INSC: variants seen among roughly 807,000 people sequenced by gnomAD.
INSC encodes INSC spindle orientation adaptor protein.
Under a neutral mutation model 58.6 loss-of-function variants are expected in INSC, and 67 were observed. The ratio of observed to expected loss-of-function variants is 1.14; its 90% CI spans 0.94 to 1.40. The LOEUF (loss-of-function observed/expected upper bound fraction) is 1.40. Among genes scored for constraint, INSC ranks in the 40% most tolerant of loss-of-function variants. The pLI is 0.00. For synonymous variants in INSC, 262 were observed against 276.1 expected (o/e 0.95, Z 0.51); for missense variants, 714 against 692.0 (o/e 1.03, Z -0.36).
At chr11:15,201,576 C>T (rs1211337308) in intron 7 of INSC, among the ~76,000 whole-genome samples, 5 of 152,170 alleles carry the variant, frequency 3.3e-5, no homozygotes, top group Non-Finnish European at 7.3e-5. Flanking sequence ...CCACCCTGAC[C>T]CCTTCCCTGG....
rs564663643 is a variant in INSC at position 15,122,443 on chromosome 11, A to C, written c.-46+7440A>C. Among the ~76,000 whole-genome samples, 80 of 152,348 alleles carry C rather than the reference A, an allele frequency of 5.3e-4. 1 individual carries two copies. Among genetic ancestry groups the C allele is most frequent in the African/African-American group, 1.7e-3 (71 of 41,578 alleles). On this transcript the variant is annotated intron_variant, in intron 1 of 12. Transcript: ENST00000379556. ...TGAATGCAGAAAGTGAGGGAGATGA[A>C]GGAGTCTAAGTGACTCCCAGTTTGA...
At chr11:15,167,336 G>T (rs1286713367) in intron 2 of INSC, among the ~76,000 whole-genome samples, 5 of 152,046 alleles carry the variant, frequency 3.3e-5, no homozygotes, top group Non-Finnish European at 7.4e-5. Context: ...ACTGAGTAGA[G>T]GTAGGCGGAG....
intron 1 of INSC, among the ~76,000 whole-genome samples, chr11:15,141,410 C>T (rs1179878277): frequency 1.3e-5 from 2 of 152,152 alleles, no homozygotes; most frequent in South Asian, 2.1e-4. Context: ...TGATGCAAGT[C>T]GTTCTGGGCT....
intron 2 of INSC, among the ~76,000 whole-genome samples, chr11:15,165,105 G>A (rs549888310): frequency 3.6e-4 from 55 of 152,228 alleles, no homozygotes; most frequent in African/African-American, 9.1e-4. Context: ...CTGGTATTTC[G>A]AAGTTTGTGG....
intron 2 of INSC, among the ~76,000 whole-genome samples, chr11:15,173,092 G>C (rs2133816570): frequency 6.6e-6 from 1 of 152,276 alleles, no homozygotes; most frequent in Non-Finnish European, 1.5e-5. Flanking sequence ...GTTTATAGAG[G>C]TCAGGAGCTG....
chr11:15,111,621 T>C (rs1847578219), upstream of INSC, among the ~76,000 whole-genome samples: 1 of 152,222 alleles, frequency 6.6e-6, no homozygotes, highest in African/African-American at 2.4e-5. Flanking sequence ...TGTGTGTCTT[T>C]CTGTGCATCC....
chr11:15,177,061 C>A, intron 3 of INSC, 50 bp from the exon 4 acceptor site: 1 of 1,414,654 alleles, frequency 7.1e-7, no homozygotes, highest in Non-Finnish European at 1.0e-6. Flanking sequence ...AGCAGTTGGT[C>A]CTCAGTTAAT....
chr11:15,188,184 C>T (rs920062416), intron 5 of INSC: 30 of 985,230 alleles, frequency 3.0e-5, no homozygotes, highest in Middle Eastern at 1.0e-3. Flanking sequence ...ATTTGCAAGG[C>T]CCCCACTCAC....
intron 2 of INSC, among the ~76,000 whole-genome samples, chr11:15,164,537 G>A (rs1227410674): frequency 6.6e-6 from 1 of 152,062 alleles, no homozygotes; most frequent in Admixed American, 6.5e-5. Context: ...AGTTTTGAGA[G>A]TTCATAAAAC....
At chr11:15,111,928 G>C (rs1462016354), upstream of INSC, among the ~76,000 whole-genome samples, 1 of 152,170 alleles carries the variant, frequency 6.6e-6, no homozygotes, top group East Asian at 1.9e-4. Context: ...CCAGAACCTA[G>C]TACTGTTCTA....
intron 7 of INSC, among the ~76,000 whole-genome samples, chr11:15,213,948 A>G (rs1851120976): frequency 6.6e-6 from 1 of 152,198 alleles, no homozygotes; most frequent in Admixed American, 6.5e-5. Flanking sequence ...GCCATAAAAC[A>G]AACACCTCAT....
rs1236613889 is a variant in INSC, at chr11:15,237,004, G to A, written c.1237+1336G>A. ...ATAGAGCCTTACGTTGAAGTGTTCA[G>A]TGGGAGTGGGTCTCCATAGGCCTGT... On this transcript the variant is annotated intron_variant, in intron 10 of 12. Transcript: ENST00000379556. Among the ~76,000 whole-genome samples, 4 of 152,338 alleles carry A rather than the reference G, an allele frequency of 2.6e-5. No homozygotes were observed. The East Asian group carries it at 7.7e-4, about 29-fold the overall frequency.
chr11:15,223,844 G>A (rs1030427216), intron 8 of INSC, among the ~76,000 whole-genome samples: 2 of 152,182 alleles, frequency 1.3e-5, no homozygotes, highest in African/African-American at 4.8e-5. Flanking sequence ...TGGGTGGTTG[G>A]ATCAAGAGCT....
intron 2 of INSC, among the ~76,000 whole-genome samples, chr11:15,155,848 C>G (rs774495638): frequency 1.3e-5 from 2 of 152,152 alleles, no homozygotes; most frequent in Non-Finnish European, 2.9e-5. Flanking sequence ...CACTGGACAC[C>G]AGATCAGCAG....
rs72859852 is a variant in INSC at position 15,146,532 on chromosome 11, C to T, written c.-45-2598C>T. ...GCTGGCAGCTCCCCCTGCATAACTG[C>T]TGGGAAGCTATGGGTCAAAAAGATG... On this transcript the variant is annotated intron_variant, in intron 1 of 12. Transcript: ENST00000379556. Among the ~76,000 whole-genome samples, 745 of 152,306 alleles carry T rather than the reference C, an allele frequency of 4.9e-3. 2 individuals carry two copies. Among genetic ancestry groups the T allele is most frequent in the Non-Finnish European group, 8.2e-3 (561 of 68,016 alleles).
chr11:15,155,974 A>G (rs1409279149), intron 2 of INSC, among the ~76,000 whole-genome samples: 1 of 152,080 alleles, frequency 6.6e-6, no homozygotes, highest in Admixed American at 6.5e-5. Flanking sequence ...ACCTTCTCCA[A>G]GTGGTAGGCT....
At chr11:15,222,269 C>G (rs11828254) in intron 8 of INSC, among the ~76,000 whole-genome samples, 38,584 of 152,116 alleles carry the variant, frequency 0.25, 5,778 homozygotes, top group East Asian at 0.73. Flanking sequence ...AAGCGCTTGT[C>G]TGGATAACAA....
chr11:15,260,136 C>T, the INSC span, among the ~76,000 whole-genome samples: 3 of 152,154 alleles, frequency 2.0e-5, no homozygotes, highest in Admixed American at 1.3e-4. Flanking sequence ...GGCCGACCCA[C>T]ATCCACAAAA....
At chr11:15,242,089 G>T (rs1451166587) in intron 12 of INSC, among the ~76,000 whole-genome samples, 1 of 152,206 alleles carries the variant, frequency 6.6e-6, no homozygotes, top group Non-Finnish European at 1.5e-5. Context: ...CAAGTTCACA[G>T]ATCCTCTTAA....
Sources: gnomAD v4.1 joint callset for allele counts (sites outside exome capture counted in the v4.1 genomes callset) on GRCh38, gnomAD v4.1.1 for gene constraint, MANE v1.5 for transcripts, NCBI Gene and HGNC (gene_info 2026-07-23, HGNC 2026-07-21) for gene names.